The following RGPD2 variants were observed in gnomAD, a reference collection of about 807,000 sequenced individuals.
The protein encoded by RGPD2 is RANBP2 like and GRIP domain containing 2, also known as RANBP2-like and GRIP domain-containing protein 2.
RGPD2 carries 2 observed loss-of-function variants against 36.0 expected under a neutral mutation model. The observed-to-expected ratio is 0.06, with a 90% CI of 0.02 to 0.17. RGPD2 has a LOEUF of 0.17. RGPD2 is among the 10% of genes least tolerant of loss of function. The probability of loss-of-function intolerance (pLI) is 1.00; values close to 1 mark genes in which losing one functional copy is unlikely to be tolerated. For synonymous variants in RGPD2, 19 were observed against 163.8 expected, an observed-to-expected ratio of 0.12 and a Z score of 6.75; for missense variants, 40 against 464.3, an observed-to-expected ratio of 0.09 and a Z score of 8.40.
the RGPD2 span, among the ~76,000 whole-genome samples, chr2:87,863,702 G>T: frequency 6.6e-6 from 1 of 151,714 alleles, no homozygotes; most frequent in Non-Finnish European, 1.5e-5. Flanking sequence ...ATACGTGTGT[G>T]TGTGTGTGTG....
At chr2:87,877,890 G>C in the RGPD2 span, among the ~76,000 whole-genome samples, 26,454 of 143,812 alleles carry the variant, frequency 0.18, no homozygotes, top group African/African-American at 0.31. Context: ...TCTGCTGAGA[G>C]GTCCACTGTT....
chr2:87,930,649 T>C, the RGPD2 span, among the ~76,000 whole-genome samples: 2 of 151,686 alleles, frequency 1.3e-5, no homozygotes, highest in African/African-American at 2.4e-5. Context: ...GCTCCAGCTC[T>C]TCTTGGTACA....
the RGPD2 span, among the ~76,000 whole-genome samples, chr2:87,915,494 C>T: frequency 1.9e-5 from 2 of 106,580 alleles, no homozygotes; most frequent in Non-Finnish European, 3.7e-5. Context: ...TGTGTATATA[C>T]GTATATATAC....
chr2:87,963,838 T>TC, the RGPD2 span, among the ~76,000 whole-genome samples: 1 of 13,822 alleles, frequency 7.2e-5, no homozygotes, highest in Non-Finnish European at 1.5e-4. Flanking sequence ...TCTTTCTTTC[T>TC]TTTTTTTTTT....
the RGPD2 span, among the ~76,000 whole-genome samples, chr2:87,853,168 T>G: frequency 6.6e-6 from 1 of 151,900 alleles, no homozygotes; most frequent in Non-Finnish European, 1.5e-5. Context: ...AATTTCTTTT[T>G]GAAATTCCTA....
the RGPD2 span, among the ~76,000 whole-genome samples, chr2:87,927,677 C>T: frequency 4.3e-4 from 63 of 147,960 alleles, no homozygotes; most frequent in South Asian, 0.013. Flanking sequence ...AGTATCATGT[C>T]TTTTTTTTTA....
the RGPD2 span, among the ~76,000 whole-genome samples, chr2:87,870,285 C>T: frequency 2.0e-5 from 3 of 152,272 alleles, no homozygotes; most frequent in African/African-American, 7.2e-5. Flanking sequence ...CATGTGCAAT[C>T]GAGCCAATCT....
At chr2:87,988,542 T>TATATATATA in the RGPD2 span, among the ~76,000 whole-genome samples, 111 of 37,520 alleles carry the variant, frequency 3.0e-3, no homozygotes, top group East Asian at 9.9e-3. Flanking sequence ...TATATATATA[T>TATATATATA]TTTTTTTTTT....
upstream of RGPD2, among the ~76,000 whole-genome samples, chr2:87,828,592 TC>T (rs1686892395): frequency 6.6e-6 from 1 of 150,538 alleles, no homozygotes; most frequent in Non-Finnish European, 1.5e-5. Flanking sequence ...ATAATTCCCA[TC>T]AATGATTCTT....
chr2:87,970,219 A>G, the RGPD2 span, among the ~76,000 whole-genome samples: 681 of 152,172 alleles, frequency 4.5e-3, 12 homozygotes, highest in African/African-American at 0.013. Flanking sequence ...TAACTCTACC[A>G]CTTCGGAATT....
chr2:87,984,362 A>G, the RGPD2 span, among the ~76,000 whole-genome samples: 1 of 152,100 alleles, frequency 6.6e-6, no homozygotes, highest in Admixed American at 6.5e-5. Context: ...GTCGTGAAAA[A>G]GGATGTTTAT....
chr2:87,952,331 TA>T, the RGPD2 span, among the ~76,000 whole-genome samples: 1 of 152,194 alleles, frequency 6.6e-6, no homozygotes, highest in African/African-American at 2.4e-5. Flanking sequence ...AAGTTTCTGC[TA>T]CATTTCATAG....
chr2:87,956,458 T>G, the RGPD2 span, among the ~76,000 whole-genome samples: 1 of 147,202 alleles, frequency 6.8e-6, no homozygotes, highest in African/African-American at 2.5e-5. Context: ...CATTTAAGTC[T>G]CAGGAAATGG....
At chr2:87,936,211 C>A in the RGPD2 span, among the ~76,000 whole-genome samples, 1 of 150,852 alleles carries the variant, frequency 6.6e-6, no homozygotes, top group East Asian at 2.0e-4. Flanking sequence ...AACTGAGAAC[C>A]CCTGGTGTTG....
At chr2:87,964,417 T>A in the RGPD2 span, among the ~76,000 whole-genome samples, 2 of 152,008 alleles carry the variant, frequency 1.3e-5, no homozygotes, top group Non-Finnish European at 1.5e-5. Context: ...TACAACATGA[T>A]GTTTTGCTAT....
At chr2:87,857,565 A>G in the RGPD2 span, among the ~76,000 whole-genome samples, 1 of 150,510 alleles carries the variant, frequency 6.6e-6, no homozygotes, top group African/African-American at 2.4e-5. Context: ...GATGGTCTCG[A>G]TCTCCTGACC....
At chr2:87,852,884 A>G in the RGPD2 span, among the ~76,000 whole-genome samples, 1 of 152,264 alleles carries the variant, frequency 6.6e-6, no homozygotes, top group Non-Finnish European at 1.5e-5. Flanking sequence ...CATCTGACAT[A>G]TTACGTATTA....
rs1267919465 is a variant in RGPD2, at chr2:87,781,766, TATC to T, written c.4900+355_4900+357del. Among the ~76,000 whole-genome samples the T allele has an allele frequency of 8.4e-5, 12 of 143,116 alleles. No individual in the cohort carries two copies. The East Asian group carries it at 1.5e-3, about 18-fold the overall frequency. The allele number at this position is 143,116 out of a possible 152,430, so 93.9% of individuals were successfully genotyped here. On this transcript the variant is annotated intron_variant, in intron 20 of 22. Transcript: ENST00000398146. Reference sequence around the variant, plus strand: ...AGTGAGCCACCGTGCCCAGCCTCAATATCATGTTTTCTGAGTGACAAAAGAAAC... The same window carrying T: ...AGTGAGCCACCGTGCCCAGCCTCAATATGTTTTCTGAGTGACAAAAGAAAC...
At chr2:87,960,759 GT>G in the RGPD2 span, among the ~76,000 whole-genome samples, 17 of 11,256 alleles carry the variant, frequency 1.5e-3, 1 homozygote, top group African/African-American at 5.6e-3. Flanking sequence ...CCCCTCCTTT[GT>G]TTCAAGCTTC....
Sources: allele counts gnomAD v4.1 joint callset (sites outside exome capture counted in the v4.1 genomes callset), GRCh38; gene constraint gnomAD v4.1.1; transcripts MANE v1.5; gene names NCBI Gene and HGNC (gene_info 2026-07-23, HGNC 2026-07-21).